Variants in CRLF2 observed in about 807,000 individuals in gnomAD.
CRLF2 encodes cytokine receptor like factor 2.
Under a neutral mutation model 38.7 loss-of-function variants are expected in CRLF2, and 41 were observed. That is an observed-to-expected ratio of 1.06 (90% CI 0.83 to 1.37). The LOEUF (loss-of-function observed/expected upper bound fraction) is 1.37, where lower values mean the gene tolerates loss of function less well. Among genes scored for constraint, CRLF2 ranks in the 40% most tolerant of loss-of-function variants. CRLF2 has a pLI of 0.00. For synonymous variants in CRLF2, 140 were observed against 128.8 expected (o/e 1.09, Z -0.59); for missense variants, 377 against 322.2 (o/e 1.17, Z -1.30).
At chrX:1,198,965 A>G in intron 4 of CRLF2, 1 of 559,750 alleles carries the variant, frequency 1.8e-6, no homozygotes, top group South Asian at 2.0e-5. Context: ...CCTGGCCAAC[A>G]TGGAGAAACC....
chrX:1,196,649 A>T, intron 6 of CRLF2, 131 bp downstream of exon 6: 1 of 1,179,102 alleles, frequency 8.5e-7, no homozygotes, highest in Non-Finnish European at 1.2e-6. Context: ...ATCCACCATC[A>T]GAAGAGTGGG....
intron 4 of CRLF2, among the ~76,000 whole-genome samples, chrX:1,199,917 A>G (rs1298348559): frequency 1.1e-5 from 1 of 90,840 alleles, no homozygotes; most frequent in Non-Finnish European, 2.3e-5. Flanking sequence ...ATGTGTATAT[A>G]TAAGCTGTGT....
chrX:1,193,182 T>G, intron 7 of CRLF2, 36 bp downstream of exon 7: 1 of 397,926 alleles, frequency 2.5e-6, no homozygotes. Flanking sequence ...ACCTGCTTGG[T>G]GGAGAGGAGA....
chrX:1,202,546 G>A lies in CRLF2; in HGVS notation c.350-11C>T, dbSNP rs768043844. The stretch of plus-strand genomic sequence containing the variant: ...GGGAACTGGGTTTCACTGAGAAGAA[G>A]AAATAACGGAAGCGACGTCCCTCCT... On this transcript the variant is annotated splice_polypyrimidine_tract_variant and intron_variant, in intron 3 of 7. Coordinates refer to ENST00000400841, the MANE Select transcript of CRLF2 (RefSeq NM_022148.4). 2.5e-6 allele frequency: 4 copies of A among 1,613,698 alleles called. No homozygotes were observed. The highest frequency in any genetic ancestry group is 3.4e-6 in the Non-Finnish European group (4 of 1,179,672).
intron 6 of CRLF2, among the ~76,000 whole-genome samples, chrX:1,194,254 C>T (rs2086442406): frequency 6.6e-6 from 1 of 152,020 alleles, no homozygotes; most frequent in Non-Finnish European, 1.5e-5. Context: ...CACACCAGTG[C>T]TCTCCAGCCT....
intron 6 of CRLF2, among the ~76,000 whole-genome samples, chrX:1,194,922 C>T (rs1343904882): frequency 6.6e-6 from 1 of 151,522 alleles, no homozygotes; most frequent in Non-Finnish European, 1.5e-5. Context: ...GTCCCAGCTA[C>T]TCGGGAGGCT....
At chrX:1,205,353 C>G (rs1417188142) in intron 3 of CRLF2, among the ~76,000 whole-genome samples, 1 of 152,204 alleles carries the variant, frequency 6.6e-6, no homozygotes, top group Non-Finnish European at 1.5e-5. Context: ...TGAAGGGGTA[C>G]TGAAAAGTGT....
rs1217577302 is a variant in CRLF2, at chrX:1,202,426, C to A, written c.459G>T (p.Arg153=). The change falls in exon 4 of 8, where the codon CGG becomes CGT. Residue 153 remains arginine (R), a synonymous_variant. Coordinates refer to ENST00000400841, the MANE Select transcript of CRLF2 (RefSeq NM_022148.4). ...CCTGCCACTCGGTGTCGAAGGGGCT[C>A]CGGTACTGAACCTCATAGAGGAGAT... The part of the protein sequence containing the change: ...YGDLLYEVQY[R]SPFDTEWQSK... 4.3e-6 allele frequency: 7 copies of A among 1,613,516 alleles called. No individual in the cohort carries two copies. The African/African-American group carries it at 9.3e-5, about 22-fold the overall frequency.
intron 1 of CRLF2, among the ~76,000 whole-genome samples, chrX:1,209,263 G>C (rs1410283750): frequency 6.7e-6 from 1 of 148,552 alleles, no homozygotes; most frequent in East Asian, 2.0e-4. Context: ...CACCGCGCCT[G>C]ACGTATTGTA....
At chrX:1,209,017 G>A in intron 1 of CRLF2, 109 bp from the exon 2 acceptor site, 4 of 680,222 alleles carry the variant, frequency 5.9e-6, no homozygotes, top group South Asian at 4.1e-5. Flanking sequence ...GCCCAGGCTG[G>A]AGTACAATGG....
chrX:1,199,339 C>T (rs1257163346), intron 4 of CRLF2, among the ~76,000 whole-genome samples: 1 of 151,758 alleles, frequency 6.6e-6, no homozygotes, highest in Non-Finnish European at 1.5e-5. Context: ...GAGTCTTGCT[C>T]TGTTGCCCAG....
chrX:1,198,858 G>C (rs1221782647), intron 4 of CRLF2, 134 bp from the exon 5 acceptor site: 55 of 885,668 alleles, frequency 6.2e-5, no homozygotes, highest in East Asian at 1.1e-4. Flanking sequence ...TTCAAGAATG[G>C]AGCCGCGAGG....
intron 4 of CRLF2, among the ~76,000 whole-genome samples, chrX:1,201,524 G>GAT (rs2086606593): frequency 6.7e-6 from 1 of 150,202 alleles, no homozygotes. Context: ...AGCGATGAGA[G>GAT]AGAGATAGAT....
intron 1 of CRLF2, among the ~76,000 whole-genome samples, chrX:1,209,289 T>TGTAG (rs1569473132): frequency 1.9e-4 from 20 of 106,772 alleles, no homozygotes; most frequent in South Asian, 8.9e-4. Flanking sequence ...TTGTATTGCA[T>TGTAG]TGTATTGTAG....
intron 2 of CRLF2, 94 bp downstream of exon 2, chrX:1,208,712 C>T (rs1331828377): frequency 6.2e-6 from 5 of 805,954 alleles, no homozygotes; most frequent in Non-Finnish European, 1.1e-5. Flanking sequence ...TGATGCTTTA[C>T]ACTTTTGTTC....
At chrX:1,193,783 A>C (rs2086434763) in intron 6 of CRLF2, among the ~76,000 whole-genome samples, 1 of 69,490 alleles carries the variant, frequency 1.4e-5, no homozygotes. Flanking sequence ...CTCCATCTCA[A>C]AAAAAAAAAA....
chrX:1,198,863 G>A (rs1273041885), intron 4 of CRLF2, 139 bp from the exon 5 acceptor site: 28 of 855,478 alleles, frequency 3.3e-5, no homozygotes, highest in East Asian at 1.3e-4. Flanking sequence ...GAATGGAGCC[G>A]CGAGGCCGGA....
intron 7 of CRLF2, among the ~76,000 whole-genome samples, chrX:1,191,953 C>T (rs1275233274): frequency 2.0e-5 from 3 of 151,486 alleles, no homozygotes; most frequent in African/African-American, 4.8e-5. Flanking sequence ...CACCTGTAAT[C>T]CCAGCACTTT....
At chrX:1,196,923 C>T in intron 5 of CRLF2, 23 bp from the exon 6 acceptor site, 1 of 1,610,134 alleles carries the variant, frequency 6.2e-7, no homozygotes, top group Non-Finnish European at 8.5e-7. Flanking sequence ...GAAAAGGCGG[C>T]TGTCAGTTTT....
Sources: gnomAD v4.1 joint callset for allele counts (sites outside exome capture counted in the v4.1 genomes callset) on GRCh38, gnomAD v4.1.1 for gene constraint, MANE v1.5 for transcripts, NCBI Gene and HGNC (gene_info 2026-07-23, HGNC 2026-07-21) for gene names.